DMD: variants seen among roughly 807,000 people sequenced by gnomAD.
DMD encodes mutant dystrophin.
A neutral mutation model predicts 330.1 loss-of-function variants in DMD; 63 were observed. The ratio of observed to expected loss-of-function variants is 0.19; its 90% CI spans 0.16 to 0.24. DMD has a LOEUF of 0.24. Among genes scored for constraint, DMD ranks in the 10% least tolerant of loss-of-function variants. The pLI is 1.00. For synonymous variants in DMD, 1,223 were observed against 959.8 expected (o/e 1.27, Z -5.07); for missense variants, 3,344 against 2,684.1 (o/e 1.25, Z -5.43).
chrX:32,365,724 T>C (rs2097852039), intron 34 of DMD, among the ~76,000 whole-genome samples: 1 of 112,017 alleles, frequency 8.9e-6, no homozygotes, highest in South Asian at 3.6e-4. Flanking sequence ...TGAAATACAA[T>C]GTGCAACACA....
rs774641207 is a variant in DMD, at chrX:32,789,550, A to C, written c.649+19943T>G. On this transcript the variant is annotated intron_variant, in intron 7 of 78. Coordinates refer to ENST00000357033, the MANE Select transcript of DMD (RefSeq NM_004006.3). ...CCAGTGTTGCCATAAAGCTTCCCCA[A>C]CCGATTTTATTGGACAGTCTTGTGA... Among the ~76,000 whole-genome samples the C allele has an allele frequency of 1.2e-4, 13 of 111,889 alleles. No individual in the cohort carries two copies. In the East Asian group the frequency reaches 3.7e-3, roughly 32 times the overall value.
At chrX:32,837,041 ACT>A (rs1224966617) in intron 4 of DMD, among the ~76,000 whole-genome samples, 2 of 111,429 alleles carry the variant, frequency 1.8e-5, no homozygotes, top group Admixed American at 9.6e-5. Context: ...AACCACGTCT[ACT>A]CTCTGTCATC....
intron 18 of DMD, among the ~76,000 whole-genome samples, chrX:32,512,280 T>A (rs1227661345): frequency 1.8e-5 from 2 of 111,854 alleles, no homozygotes; most frequent in African/African-American, 3.2e-5. Flanking sequence ...AAGTTATGGA[T>A]CTCTATCAGT....
At position 32,362,772 on chromosome X, in the gene DMD, G is replaced by T. The variant is rs1320156459; in HGVS notation, c.5325+16C>A. The T allele has an allele frequency of 8.3e-7, 1 of 1,209,952 alleles. No individual in the cohort carries two copies. The highest frequency in any genetic ancestry group is 1.1e-6 in the Non-Finnish European group (1 of 894,221). On this transcript the variant is annotated intron_variant, in intron 37 of 78. Coordinates refer to ENST00000357033, the MANE Select transcript of DMD (RefSeq NM_004006.3). ...CCATTTAGCACAAGTTTCCACCTTG[G>T]AGTAGATCTTCCTACCTTTCCAGTC...
intron 46 of DMD, among the ~76,000 whole-genome samples, chrX:31,931,513 CA>C (rs1337840810): frequency 7.2e-5 from 8 of 110,517 alleles, no homozygotes; most frequent in African/African-American, 2.3e-4. Context: ...TCAGCTAAAA[CA>C]AAACATTGCT....
At chrX:33,102,011 T>C (rs2095244035) in intron 1 of DMD, among the ~76,000 whole-genome samples, 1 of 112,038 alleles carries the variant, frequency 8.9e-6, no homozygotes, top group African/African-American at 3.2e-5. Context: ...TGATTTCAAG[T>C]TGACGTTATA....
rs374369906 is a variant in DMD, at chrX:31,147,389, C to A, written c.10683G>T (p.Glu3561Asp). 2 of 1,207,421 alleles carry A rather than the reference C, an allele frequency of 1.7e-6. No homozygotes were observed. Among genetic ancestry groups the A allele is most frequent in the African/African-American group, 3.5e-5 (2 of 56,372 alleles). ...CTTTGTGTTGACGCAGTAGCTTGGC[C>A]TCAGCAATGAGCTCAGCATCCCGGG... ...QSPRDAELIA[E>D]AKLLRQHKGR... The change falls in exon 75 of 79, where the codon GAG becomes GAT. Residue 3561 changes from glutamate to aspartate, a missense_variant. Physicochemically the swap from Glu to Asp is conservative, Grantham distance 45. Coordinates refer to ENST00000357033, the MANE Select transcript of DMD (RefSeq NM_004006.3).
At chrX:32,413,710 CTTTTTT>C (rs779787287) in intron 29 of DMD, among the ~76,000 whole-genome samples, 18 of 78,574 alleles carry the variant, frequency 2.3e-4, no homozygotes, top group African/African-American at 8.5e-4. Flanking sequence ...AAGCTCTATT[CTTTTTT>C]TTTTTTTTTT....
At chrX:31,194,135 G>A (rs942191348) in intron 67 of DMD, among the ~76,000 whole-genome samples, 3 of 111,083 alleles carry the variant, frequency 2.7e-5, no homozygotes, top group Non-Finnish European at 5.7e-5. Flanking sequence ...AGCCGAGATT[G>A]CGCCACTGCA....
intron 47 of DMD, among the ~76,000 whole-genome samples, chrX:31,895,863 G>A (rs1488382702): frequency 9.0e-6 from 1 of 111,661 alleles, no homozygotes; most frequent in East Asian, 2.8e-4. Flanking sequence ...ATTTTTCTTG[G>A]ATTTCCCCTT....
intron 51 of DMD, among the ~76,000 whole-genome samples, chrX:31,767,645 AT>A (rs2090083370): frequency 8.9e-6 from 1 of 111,807 alleles, no homozygotes; most frequent in Non-Finnish European, 1.9e-5. Flanking sequence ...TCTGTTTTGT[AT>A]TGCTTTTAGT....
At chrX:32,587,529 G>C (rs1336085813) in intron 13 of DMD, among the ~76,000 whole-genome samples, 1 of 111,325 alleles carries the variant, frequency 9.0e-6, no homozygotes, top group Non-Finnish European at 1.9e-5. Context: ...TGAGAATCAT[G>C]CTTTTTAAAG....
At chrX:33,112,827 C>A (rs1461607184) in intron 1 of DMD, among the ~76,000 whole-genome samples, 1 of 108,458 alleles carries the variant, frequency 9.2e-6, no homozygotes, top group Non-Finnish European at 1.9e-5. Context: ...GTGGCTCGTG[C>A]CTGTAATCCC....
intron 44 of DMD, among the ~76,000 whole-genome samples, chrX:32,132,022 A>C (rs1299996521): frequency 8.9e-6 from 1 of 112,259 alleles, no homozygotes; most frequent in African/African-American, 3.2e-5. Context: ...AGGGATATAA[A>C]AATGGAAGGT....
intron 11 of DMD, among the ~76,000 whole-genome samples, chrX:32,615,086 G>C (rs2057459325): frequency 9.0e-6 from 1 of 111,234 alleles, no homozygotes; most frequent in African/African-American, 3.3e-5. Context: ...TGAGCTTCCA[G>C]CTCAGCACAG....
intron 44 of DMD, among the ~76,000 whole-genome samples, chrX:32,208,270 C>T (rs1037191572): frequency 1.8e-5 from 2 of 112,100 alleles, no homozygotes; most frequent in South Asian, 7.4e-4. Flanking sequence ...CTGGGATATA[C>T]GACCACGGTT....
intron 2 of DMD, among the ~76,000 whole-genome samples, chrX:32,879,800 AG>A (rs1341891303): frequency 9.0e-6 from 1 of 111,418 alleles, no homozygotes; most frequent in Non-Finnish European, 1.9e-5. Flanking sequence ...TCTAACAAAC[AG>A]CCATGGCATG....
chrX:32,663,964 T>C (rs1192330355), intron 9 of DMD, among the ~76,000 whole-genome samples: 1 of 111,160 alleles, frequency 9.0e-6, no homozygotes, highest in Non-Finnish European at 1.9e-5. Flanking sequence ...GAGGTGATTG[T>C]GCATGGGCTT....
At chrX:33,215,114 C>T (rs1000100097), upstream of DMD, among the ~76,000 whole-genome samples, 2 of 110,699 alleles carry the variant, frequency 1.8e-5, no homozygotes, top group Non-Finnish European at 3.8e-5. Flanking sequence ...GCAGGCAGAT[C>T]GCTTTGAGCT....
Sources: gnomAD v4.1 joint callset for allele counts (sites outside exome capture counted in the v4.1 genomes callset) on GRCh38, gnomAD v4.1.1 for gene constraint, MANE v1.5 for transcripts, NCBI Gene and HGNC (gene_info 2026-07-23, HGNC 2026-07-21) for gene names.